The following MAD1L1 variants were observed in gnomAD, a reference collection of about 807,000 sequenced individuals.
MAD1L1 encodes mitotic spindle assembly checkpoint protein MAD1.
In MAD1L1, 95 loss-of-function variants were observed where a neutral mutation model predicts 96.9. The observed-to-expected ratio is 0.98, with a 90% confidence interval of 0.83 to 1.16. MAD1L1 has a LOEUF of 1.16. Among genes scored for constraint, MAD1L1 ranks in the 50% most tolerant of loss-of-function variants. The pLI is 0.00. For missense variants in MAD1L1, 1,007 were observed against 954.4 expected, an observed-to-expected ratio of 1.06 and a Z score of -0.73; for synonymous variants, 473 against 396.6, an observed-to-expected ratio of 1.19 and a Z score of -2.29.
intron 18 of MAD1L1, among the ~76,000 whole-genome samples, chr7:1,872,160 C>T (rs1190920958): frequency 6.6e-6 from 1 of 152,230 alleles, no homozygotes; most frequent in African/African-American, 2.4e-5. Context: ...GACAGAGAGG[C>T]TGACACCTAC....
chr7:2,059,963 A>G (rs574198458), intron 12 of MAD1L1, among the ~76,000 whole-genome samples: 134 of 152,300 alleles, frequency 8.8e-4, no homozygotes, highest in Non-Finnish European at 4.0e-4. Flanking sequence ...AAATCCATCA[A>G]ACTTGCTGAG....
intron 18 of MAD1L1, among the ~76,000 whole-genome samples, chr7:1,818,592 AGGCTGGTCTCAAACTCCTGGCCT>A (rs57886960): frequency 0.26 from 39,311 of 151,034 alleles, 5,394 homozygotes; most frequent in South Asian, 0.36. Context: ...TATTTTGCCC[AGGCTGGTCTCAAACTCCTGGCCT>A]GGCTGGTCTC....
chr7:1,938,571 G>C (rs1369747284), intron 16 of MAD1L1, among the ~76,000 whole-genome samples: 1 of 151,882 alleles, frequency 6.6e-6, no homozygotes, highest in African/African-American at 2.4e-5. Flanking sequence ...ATAACCAAGG[G>C]CATGTCAGAA....
intron 1 of MAD1L1, among the ~76,000 whole-genome samples, chr7:2,231,878 G>C (rs908318783): frequency 6.6e-6 from 1 of 151,940 alleles, no homozygotes; most frequent in Admixed American, 6.6e-5. Flanking sequence ...GTGGGGAACG[G>C]GGCCAATATC....
chr7:2,056,822 C>T (rs377573428), intron 12 of MAD1L1, among the ~76,000 whole-genome samples: 6 of 152,324 alleles, frequency 3.9e-5, no homozygotes, highest in East Asian at 3.9e-4. Flanking sequence ...GCTGTGCTAA[C>T]GCCAAAGCCC....
At chr7:2,180,331 T>C (rs1639906) in intron 10 of MAD1L1, among the ~76,000 whole-genome samples, 102,325 of 152,184 alleles carry the variant, frequency 0.67, 35,827 homozygotes, top group African/African-American at 0.86. Context: ...GCACCGGAGC[T>C]CCTCATCAAG....
chr7:2,229,741 G>C (rs1414649557), intron 3 of MAD1L1, among the ~76,000 whole-genome samples: 4 of 152,278 alleles, frequency 2.6e-5, no homozygotes, highest in Non-Finnish European at 5.9e-5. Flanking sequence ...ACGCAATGCT[G>C]AGCGCCAGGC....
At chr7:1,948,790 G>C (rs1386703643) in intron 16 of MAD1L1, among the ~76,000 whole-genome samples, 1 of 152,196 alleles carries the variant, frequency 6.6e-6, no homozygotes, top group Non-Finnish European at 1.5e-5. Flanking sequence ...GCTGAGACCA[G>C]ATCACCCTGG....
At chr7:2,018,335 A>G (rs1782634515) in intron 12 of MAD1L1, among the ~76,000 whole-genome samples, 1 of 152,246 alleles carries the variant, frequency 6.6e-6, no homozygotes, top group Non-Finnish European at 1.5e-5. Context: ...AAAACCAGGC[A>G]CACGGAACCC....
At chr7:1,820,842 G>C (rs1328945605) in intron 18 of MAD1L1, among the ~76,000 whole-genome samples, 1 of 152,080 alleles carries the variant, frequency 6.6e-6, no homozygotes, top group Non-Finnish European at 1.5e-5. Context: ...AGCACTTTGG[G>C]AGGCCGAGGT....
At chr7:2,186,535 T>C (rs1278641731) in intron 10 of MAD1L1, among the ~76,000 whole-genome samples, 1 of 152,240 alleles carries the variant, frequency 6.6e-6, no homozygotes, top group Non-Finnish European at 1.5e-5. Context: ...ACAGCAGAAT[T>C]TGAAAAAGCA....
intron 17 of MAD1L1, among the ~76,000 whole-genome samples, chr7:1,931,504 C>T (rs1789475513): frequency 1.3e-5 from 2 of 152,248 alleles, no homozygotes; most frequent in African/African-American, 4.8e-5. Flanking sequence ...CTCCAGAGTC[C>T]ACCATGTTCA....
At chr7:2,054,735 G>A (rs535615923) in intron 12 of MAD1L1, among the ~76,000 whole-genome samples, 19 of 152,208 alleles carry the variant, frequency 1.2e-4, no homozygotes, top group Non-Finnish European at 2.8e-4. Flanking sequence ...AGCCGGGCTG[G>A]CCAGCGTCTC....
intron 10 of MAD1L1, among the ~76,000 whole-genome samples, chr7:2,192,480 G>C (rs550410288): frequency 1.3e-5 from 2 of 152,108 alleles, no homozygotes; most frequent in Admixed American, 6.6e-5. Context: ...AGCTATGATC[G>C]TGCATGCTCC....
At chr7:1,879,932 C>T (rs1485409346) in intron 18 of MAD1L1, among the ~76,000 whole-genome samples, 3 of 152,132 alleles carry the variant, frequency 2.0e-5, no homozygotes, top group African/African-American at 7.2e-5. Flanking sequence ...GGATTTCACT[C>T]TGTTAGCCAG....
chr7:1,816,289 C>T, intron 18 of MAD1L1, 61 bp from the exon 19 acceptor site: 1 of 1,483,824 alleles, frequency 6.7e-7, no homozygotes, highest in African/African-American at 1.4e-5. Context: ...CTCCCTCTCC[C>T]CTCCCTCCCT....
rs531029482 is a variant in MAD1L1 at position 2,091,124 on chromosome 7, C to G, written c.1074-21786G>C. Among the ~76,000 whole-genome samples the G allele has an allele frequency of 2.0e-5, 3 of 152,326 alleles. No individual in the cohort carries two copies. The South Asian group carries it at 6.2e-4, about 32-fold the overall frequency. On this transcript the variant is annotated intron_variant, in intron 11 of 18. Coordinates refer to ENST00000265854, the MANE Select transcript of MAD1L1 (RefSeq NM_001013836.2). ...TTTCCTCTGGCTCCTGTGTCCCATC[C>G]ACACGCCCCATCCTTTTGGGTTTTC... is the stretch of plus-strand genomic sequence containing the variant.
chr7:1,926,853 T>A (rs951874221), intron 17 of MAD1L1, among the ~76,000 whole-genome samples: 2 of 152,196 alleles, frequency 1.3e-5, no homozygotes, highest in African/African-American at 4.8e-5. Flanking sequence ...CATCTCCTAC[T>A]CAGCACCATA....
At chr7:1,906,987 C>A (rs1787675385) in intron 17 of MAD1L1, among the ~76,000 whole-genome samples, 1 of 152,192 alleles carries the variant, frequency 6.6e-6, no homozygotes, top group Non-Finnish European at 1.5e-5. Flanking sequence ...CCCTTAAAAT[C>A]AAGGCAGGCC....
Sources: allele counts gnomAD v4.1 joint callset (sites outside exome capture counted in the v4.1 genomes callset), GRCh38; gene constraint gnomAD v4.1.1; transcripts MANE v1.5; gene names NCBI Gene and HGNC (gene_info 2026-07-23, HGNC 2026-07-21).